Variants in OSBP2 observed in about 807,000 individuals in gnomAD.
The protein encoded by OSBP2 is oxysterol-binding protein 2.
A neutral mutation model predicts 96.0 loss-of-function variants in OSBP2; 66 were observed. That is an observed-to-expected ratio of 0.69 (90% CI 0.56 to 0.84). OSBP2 has a LOEUF of 0.84. OSBP2 is among the 40% of genes least tolerant of loss of function. The pLI is 0.00. For missense variants in OSBP2, 1,038 were observed against 1,222.7 expected, an observed-to-expected ratio of 0.85 and a Z score of 2.25; for synonymous variants, 525 against 520.9, an observed-to-expected ratio of 1.01 and a Z score of -0.11.
chr22:30,723,905 G>A (rs1444536489), intron 1 of OSBP2, among the ~76,000 whole-genome samples: 1 of 152,118 alleles, frequency 6.6e-6, no homozygotes, highest in Non-Finnish European at 1.5e-5. Context: ...CACAGTGCAT[G>A]GTTTACATTA....
rs1251132830 is a variant in OSBP2 at position 30,889,100 on chromosome 22, T to G, written c.1419-77T>G. 4 of 1,292,430 alleles carry G rather than the reference T, an allele frequency of 3.1e-6. No homozygotes were observed. The South Asian group carries it at 5.3e-5, about 17-fold the overall frequency. 80.1% of individuals were successfully genotyped at this position (1,292,430 alleles called of 1,614,324 possible). On this transcript the variant is annotated intron_variant, in intron 5 of 13. Transcript: ENST00000332585. ...TTTACTAGCAATGAAAATGATGTTG[T>G]CTGGAGAGAGGATGGGCCAGGTCCC... is the stretch of plus-strand genomic sequence containing the variant.
At chr22:30,899,892 G>A (rs998161593) in intron 12 of OSBP2, among the ~76,000 whole-genome samples, 3 of 152,114 alleles carry the variant, frequency 2.0e-5, no homozygotes, top group African/African-American at 7.2e-5. Flanking sequence ...AATCATTTTA[G>A]GTGCCTAGAT....
intron 2 of OSBP2, among the ~76,000 whole-genome samples, chr22:30,860,970 A>G (rs914268372): frequency 1.3e-5 from 2 of 152,178 alleles, no homozygotes; most frequent in Admixed American, 6.5e-5. Flanking sequence ...TCTAGGTCAC[A>G]GCCCTCTTCT....
At chr22:30,883,926 G>C (rs2039755342) in intron 3 of OSBP2, among the ~76,000 whole-genome samples, 1 of 152,190 alleles carries the variant, frequency 6.6e-6, no homozygotes, top group South Asian at 2.1e-4. Flanking sequence ...AGAGGGACAG[G>C]GTTGTGGGTG....
chr22:30,777,825 C>T (rs937764089), intron 2 of OSBP2, among the ~76,000 whole-genome samples: 4 of 152,048 alleles, frequency 2.6e-5, no homozygotes, highest in Admixed American at 6.6e-5. Flanking sequence ...GGTTCACACA[C>T]GTGCTCATCA....
chr22:30,827,604 AC>A (rs1407335327), intron 2 of OSBP2, among the ~76,000 whole-genome samples: 1 of 152,198 alleles, frequency 6.6e-6, no homozygotes, highest in Non-Finnish European at 1.5e-5. Flanking sequence ...TGGGGAAGTG[AC>A]GTTTTACTGC....
intron 2 of OSBP2, among the ~76,000 whole-genome samples, chr22:30,863,235 T>C (rs1174577695): frequency 6.6e-6 from 1 of 152,096 alleles, no homozygotes; most frequent in Non-Finnish European, 1.5e-5. Flanking sequence ...GCCGATTGGA[T>C]TTTGTGATCA....
chr22:30,789,972 T>C (rs139077475), intron 2 of OSBP2, among the ~76,000 whole-genome samples: 1,990 of 152,178 alleles, frequency 0.013, 22 homozygotes, highest in Middle Eastern at 0.044. Flanking sequence ...TGTTGTTTCT[T>C]GTGTACCCCT....
At chr22:30,737,806 G>C (rs938456830) in intron 1 of OSBP2, among the ~76,000 whole-genome samples, 1 of 151,468 alleles carries the variant, frequency 6.6e-6, no homozygotes, top group African/African-American at 2.4e-5. Flanking sequence ...TCTGCCTCCA[G>C]GATTCAAGCG....
chr22:30,701,344 CT>C (rs1228654999), intron 1 of OSBP2, among the ~76,000 whole-genome samples: 99 of 127,940 alleles, frequency 7.7e-4, no homozygotes, highest in Middle Eastern at 8.2e-3. Flanking sequence ...TTTTTCTTTT[CT>C]TTTTTTTTTT....
chr22:30,778,300 T>G (rs1418256120), intron 2 of OSBP2, among the ~76,000 whole-genome samples: 2 of 105,290 alleles, frequency 1.9e-5, no homozygotes, highest in Admixed American at 1.7e-4. Context: ...CCCGTGTGCA[T>G]GTGCACACAC....
At chr22:30,802,539 G>C (rs2145843086) in intron 2 of OSBP2, among the ~76,000 whole-genome samples, 1 of 152,362 alleles carries the variant, frequency 6.6e-6, no homozygotes, top group Middle Eastern at 3.4e-3. Flanking sequence ...GCGCGATAGC[G>C]CCCTTAGTGT....
chr22:30,739,145 T>C (rs1253774153), intron 1 of OSBP2, among the ~76,000 whole-genome samples: 1 of 152,224 alleles, frequency 6.6e-6, no homozygotes, highest in Admixed American at 6.5e-5. Flanking sequence ...ATCTCCGTTT[T>C]CCGACATTGA....
chr22:30,764,428 G>A, intron 2 of OSBP2: 1 of 981,854 alleles, frequency 1.0e-6, no homozygotes, highest in Non-Finnish European at 1.2e-6. Flanking sequence ...GTTCCTGTTG[G>A]GTGTGATCCC....
chr22:30,800,073 G>A (rs759690770), intron 2 of OSBP2, among the ~76,000 whole-genome samples: 7 of 152,092 alleles, frequency 4.6e-5, no homozygotes, highest in Non-Finnish European at 8.8e-5. Flanking sequence ...TAGGGGCAAC[G>A]GGGAATATGA....
chr22:30,698,322 G>A (rs991153297), intron 1 of OSBP2, among the ~76,000 whole-genome samples: 6 of 152,140 alleles, frequency 3.9e-5, no homozygotes, highest in Non-Finnish European at 7.3e-5. Context: ...TTTTCCTTGG[G>A]GGCTGGTAGA....
At chr22:30,809,662 G>A (rs143843832) in intron 2 of OSBP2, among the ~76,000 whole-genome samples, 74 of 152,232 alleles carry the variant, frequency 4.9e-4, no homozygotes, top group African/African-American at 1.7e-3. Context: ...ACTTGACTCT[G>A]TTCATATCAG....
chr22:30,737,167 C>A lies in OSBP2; in HGVS notation c.645-3994C>A, dbSNP rs28446427. Among the ~76,000 whole-genome samples the A allele has an allele frequency of 9.0e-3, 1,367 of 152,230 alleles. 16 individuals are homozygous for A. Among genetic ancestry groups the A allele is most frequent in the African/African-American group, 0.03 (1,258 of 41,534 alleles). On this transcript the variant is annotated intron_variant, in intron 1 of 13. Transcript: ENST00000332585. Reference sequence around the variant, plus strand: ...AGTGGCTGGGATTACAGGCATGCATCACCACACCTGGCTAATTTTTCTATT... The same window carrying A: ...AGTGGCTGGGATTACAGGCATGCATAACCACACCTGGCTAATTTTTCTATT...
intron 1 of OSBP2, among the ~76,000 whole-genome samples, chr22:30,735,255 G>T (rs940786156): frequency 2.0e-5 from 3 of 152,116 alleles, no homozygotes; most frequent in Non-Finnish European, 4.4e-5. Context: ...GATCAATTTA[G>T]ATTTGGATGC....
Sources: allele counts gnomAD v4.1 joint callset (sites outside exome capture counted in the v4.1 genomes callset), GRCh38; gene constraint gnomAD v4.1.1; transcripts MANE v1.5; gene names NCBI Gene and HGNC (gene_info 2026-07-23, HGNC 2026-07-21).